The following SMAD7 variants were observed in gnomAD, a reference collection of about 807,000 sequenced individuals.
The protein encoded by SMAD7 is SMAD family member 7.
Under a neutral mutation model 38.7 loss-of-function variants are expected in SMAD7, and 8 were observed. The ratio of observed to expected loss-of-function variants is 0.21; its 90% CI spans 0.12 to 0.37. SMAD7 has a LOEUF of 0.37. Ranked by LOEUF, SMAD7 falls within the 10% of genes least tolerant of loss-of-function variation. The pLI, the probability that SMAD7 is intolerant of heterozygous loss-of-function variation, is 1.00. For synonymous variants in SMAD7, 327 were observed against 265.1 expected (o/e 1.23, Z -2.27); for missense variants, 477 against 577.9 (o/e 0.83, Z 1.79).
intron 3 of SMAD7, among the ~76,000 whole-genome samples, chr18:48,922,726 C>A (rs1468861207): frequency 6.6e-6 from 1 of 152,028 alleles, no homozygotes; most frequent in East Asian, 1.9e-4. Flanking sequence ...TAGATGCGTC[C>A]CCCTTCTCCC....
rs1323099211 is a variant in SMAD7, at chr18:48,922,010, C to T, written c.743-100G>A. 4 of 914,450 alleles carry T rather than the reference C, an allele frequency of 4.4e-6. No homozygotes were observed. In the African/African-American group the frequency reaches 6.6e-5, roughly 15 times the overall value. The allele number at this position is 914,450 out of a possible 1,614,324, so 56.6% of individuals were successfully genotyped here. On this transcript the variant is annotated intron_variant, in intron 3 of 3. Coordinates refer to ENST00000262158, the MANE Select transcript of SMAD7 (RefSeq NM_005904.4). ...CCACTGCACCCAGTCACCAGCTCATCTCTCAGGACGAGACAGAAAGAAGGA... is the reference window on the plus strand; with the variant it reads ...CCACTGCACCCAGTCACCAGCTCATTTCTCAGGACGAGACAGAAAGAAGGA...
intron 3 of SMAD7, among the ~76,000 whole-genome samples, chr18:48,938,382 C>T (rs572300674): frequency 4.6e-5 from 7 of 152,314 alleles, no homozygotes; most frequent in East Asian, 1.9e-4. Flanking sequence ...AGCATGACTT[C>T]GCACAGCCAA....
At chr18:48,923,905 TTC>T (rs2143756849) in intron 3 of SMAD7, among the ~76,000 whole-genome samples, 2 of 152,344 alleles carry the variant, frequency 1.3e-5, no homozygotes, top group South Asian at 4.1e-4. Flanking sequence ...TCATCAGGCA[TTC>T]ACTTGTTTCT....
At chr18:48,938,972 A>C (rs1055447543) in intron 3 of SMAD7, among the ~76,000 whole-genome samples, 2 of 152,170 alleles carry the variant, frequency 1.3e-5, no homozygotes, top group Non-Finnish European at 1.5e-5. Context: ...ATCACAAAGC[A>C]GAATCAATCC....
intron 1 of SMAD7, among the ~76,000 whole-genome samples, chr18:48,948,985 G>C (rs1046289828): frequency 6.6e-6 from 1 of 152,374 alleles, no homozygotes; most frequent in East Asian, 1.9e-4. Flanking sequence ...TGTGTACAGA[G>C]ACGTAGAGTA....
At chr18:48,924,477 T>C (rs1411659958) in intron 3 of SMAD7, among the ~76,000 whole-genome samples, 1 of 152,166 alleles carries the variant, frequency 6.6e-6, no homozygotes, top group Non-Finnish European at 1.5e-5. Flanking sequence ...CTGAGATCTG[T>C]AGCAGGACGG....
Position 48,921,925 on chromosome 18 carries a change from G to A in SMAD7, c.743-15C>T, listed in dbSNP as rs766900635. On this transcript the variant is annotated splice_polypyrimidine_tract_variant and intron_variant, in intron 3 of 3. Transcript: ENST00000262158. The surrounding 1 kb of genome is among the most constrained non-coding windows in gnomAD (Gnocchi z 6.4). ...AAGTTGGGAATCTAGAAAACACATT[G>A]GCAGAGAGGGTTAGTGGGGACAGGC... is the stretch of plus-strand genomic sequence containing the variant. The A allele has an allele frequency of 2.9e-5, 46 of 1,580,652 alleles. No individual in the cohort carries two copies. The highest frequency in any genetic ancestry group is 2.3e-4 in the Admixed American group (13 of 57,460).
At chr18:48,929,567 T>TCACACACACACACACACACACACACACA (rs112497008) in intron 3 of SMAD7, among the ~76,000 whole-genome samples, 7 of 61,688 alleles carry the variant, frequency 1.1e-4, no homozygotes, top group African/African-American at 2.7e-4. Flanking sequence ...TCTCTCTCTC[T>TCACACACACACACACACACACACACACA]CTCACTCACA....
chr18:48,926,400 C>T (rs1315063182), intron 3 of SMAD7, among the ~76,000 whole-genome samples: 4 of 152,150 alleles, frequency 2.6e-5, no homozygotes, highest in Admixed American at 6.6e-5. Flanking sequence ...GCTAGGGTAC[C>T]GGGAGCTGGG....
chr18:48,944,750 T>G (rs928359488), intron 2 of SMAD7, among the ~76,000 whole-genome samples: 1 of 152,218 alleles, frequency 6.6e-6, no homozygotes, highest in Admixed American at 6.5e-5. Flanking sequence ...AAGCTCCGCA[T>G]AGACAGATCT....
rs150588013 is a variant in SMAD7 at position 48,945,409 on chromosome 18, C to T, written c.668-2854G>A. 8.2e-4 allele frequency among the ~76,000 whole-genome samples: 125 copies of T among 152,118 alleles called. 3 individuals carry two copies. The East Asian group carries it at 0.023, about 28-fold the overall frequency. ...CCCAGGAGGTGGAGCTTGCAGTGAG[C>T]CGAGATCGGGCCACTGCACTCCAGC... On this transcript the variant is annotated intron_variant, in intron 2 of 3. Transcript: ENST00000262158.
rs748920993 is a variant in SMAD7 at position 48,921,710 on chromosome 18, T to G, written c.943A>C (p.Ser315Arg). Residue 315 changes from serine to arginine, a missense_variant, in exon 4 of 4, where the codon AGC becomes CGC. By Grantham distance (110) the Ser-to-Arg change is moderately radical. This residue lies in a region of SMAD7 where 101 missense variants were observed against 198.5 expected (regional missense o/e 0.51). Transcript: ENST00000262158. This position sits in a 1 kb window ranked among gnomAD's most constrained non-coding sequence, Gnocchi z 6.4. ...NKSQLVQKVR[S>R]KIGCGIQLTR... ...AGCTGGATGCCGCAGCCGATTTTGCTCCGCACCTTCTGCACCAGCTGACTC... is the reference window on the plus strand; with the variant it reads ...AGCTGGATGCCGCAGCCGATTTTGCGCCGCACCTTCTGCACCAGCTGACTC... The G allele has an allele frequency of 3.7e-6, 6 of 1,613,946 alleles. No homozygotes were observed. Among genetic ancestry groups the G allele is most frequent in the South Asian group, 2.2e-5 (2 of 91,082 alleles).
rs192513405 is a variant in SMAD7, at chr18:48,923,769, G to A, written c.743-1859C>T. 1.2e-4 allele frequency among the ~76,000 whole-genome samples: 19 copies of A among 152,296 alleles called. No individual in the cohort carries two copies. The East Asian group carries it at 3.7e-3, about 29-fold the overall frequency. On this transcript the variant is annotated intron_variant, in intron 3 of 3. Transcript: ENST00000262158. ...CATGTAGCTTGGAAGTCCAGTGCTT[G>A]TGCATGTGCGTGTGCAAGACTGTGT...
intron 3 of SMAD7, among the ~76,000 whole-genome samples, chr18:48,924,412 G>A (rs2069900947): frequency 6.6e-6 from 1 of 152,188 alleles, no homozygotes; most frequent in Non-Finnish European, 1.5e-5. Flanking sequence ...TGGAAGCCTT[G>A]TCTGCCAAGG....
At chr18:48,923,778 C>G (rs2069893065) in intron 3 of SMAD7, among the ~76,000 whole-genome samples, 1 of 152,134 alleles carries the variant, frequency 6.6e-6, no homozygotes, top group Admixed American at 6.5e-5. Context: ...TGTGCATGTG[C>G]GTGTGCAAGA....
At position 48,948,632 on chromosome 18, in the gene SMAD7, C is replaced by G. The variant is rs574276293; in HGVS notation, c.614-195G>C. On this transcript the variant is annotated intron_variant, in intron 1 of 3. Transcript: ENST00000262158. Reference sequence around the variant, plus strand: ...AGAGGCCGCCTGGCGCCAGCCTCGGCGCTCCGCTCCTCCACGTCTGCGGCC... The same window carrying G: ...AGAGGCCGCCTGGCGCCAGCCTCGGGGCTCCGCTCCTCCACGTCTGCGGCC... 1.4e-4 allele frequency: 60 copies of G among 419,420 alleles called. 1 individual carries two copies. The South Asian group carries it at 2.0e-3, about 14-fold the overall frequency. The allele number at this position is 419,420 out of a possible 1,614,324, so 26.0% of individuals were successfully genotyped here.
At position 48,950,523 on chromosome 18, in the gene SMAD7, G is replaced by A. The variant is rs920281680; in HGVS notation, c.-99C>T. 1 of 1,239,418 alleles carries A rather than the reference G, an allele frequency of 8.1e-7. No homozygotes were observed. The highest frequency in any genetic ancestry group is 3.2e-5 in the Admixed American group (1 of 31,162). 76.8% of individuals were successfully genotyped at this position (1,239,418 alleles called of 1,614,324 possible). A position where few individuals can be genotyped will look rare whatever the true frequency, so the allele number is the denominator to read the frequency against. On this transcript the variant is annotated 5_prime_UTR_variant, in exon 1 of 4. Transcript: ENST00000262158. ...AGTCGGGCGCCGAGTTGGGGCAGCA[G>A]GCGCAGGCGACAGCAGCAGCAGCAG...
Position 48,950,546 on chromosome 18 carries a change from C to T in SMAD7, c.-122G>A. ...CAGGCGCAGGCGACAGCAGCAGCAG[C>T]AGGGGCCCGGGCAGGAGCGGCGGCG... On this transcript the variant is annotated 5_prime_UTR_variant, in exon 1 of 4. Coordinates refer to ENST00000262158, the MANE Select transcript of SMAD7 (RefSeq NM_005904.4). 1 of 946,364 alleles carries T rather than the reference C, an allele frequency of 1.1e-6. No individual in the cohort carries two copies. The highest frequency in any genetic ancestry group is 1.5e-6 in the Non-Finnish European group (1 of 679,458). The allele number at this position is 946,364 out of a possible 1,614,324, so 58.6% of individuals were successfully genotyped here.
chr18:48,933,890 A>G (rs1284961426), intron 3 of SMAD7, among the ~76,000 whole-genome samples: 2 of 152,196 alleles, frequency 1.3e-5, no homozygotes, highest in African/African-American at 4.8e-5. Context: ...TGTTATGAAA[A>G]CAAAACAAAG....
Sources: allele counts gnomAD v4.1 joint callset (sites outside exome capture counted in the v4.1 genomes callset), GRCh38; gene constraint gnomAD v4.1.1; regional missense constraint gnomAD v4.1.1; non-coding constraint Gnocchi (gnomAD v3.1); transcripts MANE v1.5; gene names NCBI Gene and HGNC (gene_info 2026-07-23, HGNC 2026-07-21).